Variants in SEC24B observed in about 807,000 individuals in gnomAD.
SEC24B encodes protein transport protein Sec24B.
Under a neutral mutation model 142.8 loss-of-function variants are expected in SEC24B, and 45 were observed. The observed-to-expected ratio is 0.32, with a 90% confidence interval of 0.25 to 0.40. The LOEUF (loss-of-function observed/expected upper bound fraction) is 0.40, where lower values mean the gene tolerates loss of function less well. Among genes scored for constraint, SEC24B ranks in the 10% least tolerant of loss-of-function variants. SEC24B has a pLI of 1.00. For synonymous variants in SEC24B, 574 were observed against 568.2 expected, an observed-to-expected ratio of 1.01 and a Z score of -0.15; for missense variants, 1,409 against 1,526.8, an observed-to-expected ratio of 0.92 and a Z score of 1.29.
intron 1 of SEC24B, among the ~76,000 whole-genome samples, chr4:109,436,947 A>C (rs11942858): frequency 2.6e-5 from 4 of 152,092 alleles, no homozygotes; most frequent in African/African-American, 9.7e-5. Flanking sequence ...ATAAATTTAA[A>C]TGTTTTCCTG....
At chr4:109,501,537 C>T (rs1165345854) in intron 6 of SEC24B, among the ~76,000 whole-genome samples, 3 of 152,204 alleles carry the variant, frequency 2.0e-5, no homozygotes, top group African/African-American at 7.2e-5. Context: ...ATGGCAGGAT[C>T]GCGGCTCACT....
At chr4:109,509,351 T>A (rs1424762876) in intron 7 of SEC24B, among the ~76,000 whole-genome samples, 1 of 152,222 alleles carries the variant, frequency 6.6e-6, no homozygotes, top group Non-Finnish European at 1.5e-5. Flanking sequence ...TCTCCTTTAT[T>A]CATTCTTTGT....
chr4:109,486,155 G>A (rs978166648), intron 4 of SEC24B, among the ~76,000 whole-genome samples: 2 of 152,186 alleles, frequency 1.3e-5, no homozygotes, highest in Admixed American at 1.3e-4. Flanking sequence ...CTGTGAAGTT[G>A]TAATAGTAGC....
chr4:109,493,631 CTT>C (rs11284823), intron 5 of SEC24B, among the ~76,000 whole-genome samples: 156 of 141,250 alleles, frequency 1.1e-3, no homozygotes, highest in African/African-American at 1.2e-3. Context: ...TAGATACTAC[CTT>C]TTTTTTTTTT....
Position 109,526,257 on chromosome 4 carries a change from C to T in SEC24B, c.2823C>T (p.Phe941=). 6.2e-7 allele frequency: 1 copy of T among 1,613,840 alleles called. No individual in the cohort carries two copies. The highest frequency in any genetic ancestry group is 2.2e-5 in the East Asian group (1 of 44,832). The part of the protein sequence containing the change: ...GLSMHTFHGN[F]FVRSTDLLSL... The stretch of plus-strand genomic sequence containing the variant: ...CAATGCACACTTTTCACGGTAACTT[C>T]TTTGTCCGTTCTACTGATTTGTTAT... The change falls in exon 17 of 24, where the codon TTC becomes TTT. Residue 941 remains phenylalanine, a synonymous_variant. Coordinates refer to ENST00000265175, the MANE Select transcript of SEC24B (RefSeq NM_006323.5).
At chr4:109,468,475 G>C (rs1732188287) in intron 2 of SEC24B, among the ~76,000 whole-genome samples, 1 of 152,178 alleles carries the variant, frequency 6.6e-6, no homozygotes, top group Non-Finnish European at 1.5e-5. Context: ...CATTTGGATA[G>C]GTGAGAGGAA....
chr4:109,532,818 C>A, intron 21 of SEC24B, 75 bp downstream of exon 21: 2 of 715,594 alleles, frequency 2.8e-6, no homozygotes, highest in Non-Finnish European at 4.9e-6. Context: ...TAGGGTCCAG[C>A]TGTTATCACA....
At chr4:109,439,948 C>T (rs1207886845) in intron 1 of SEC24B, among the ~76,000 whole-genome samples, 1 of 151,106 alleles carries the variant, frequency 6.6e-6, no homozygotes, top group African/African-American at 2.4e-5. Flanking sequence ...GGATGAAACC[C>T]GTCTCTACTA....
chr4:109,463,309 G>A lies in SEC24B; in HGVS notation c.542G>A (p.Gly181Asp), dbSNP rs538971019. The part of the protein sequence containing the change: ...VASQGFPSTC[G>D]HYAMSTVSNA... ...TCTCAGGGATTTCCCTCTACTTGTG[G>A]TCATTATGCTATGTCAACTGTTTCT... Residue 181 changes from glycine (G) to aspartate (D), a missense_variant, in exon 2 of 24, where the codon GGT becomes GAT. Gly to Asp is a moderately conservative substitution (Grantham distance 94). Transcript: ENST00000265175. 19 of 1,614,148 alleles carry A rather than the reference G, an allele frequency of 1.2e-5. No individual in the cohort carries two copies. The South Asian group carries it at 2.0e-4, about 17-fold the overall frequency.
intron 21 of SEC24B, among the ~76,000 whole-genome samples, chr4:109,533,349 A>G (rs1725137778): frequency 2.0e-5 from 3 of 152,246 alleles, no homozygotes; most frequent in Admixed American, 2.0e-4. Flanking sequence ...TTAAAGGATT[A>G]TATTTCTATT....
At chr4:109,528,844 G>A (rs915354025) in intron 18 of SEC24B, among the ~76,000 whole-genome samples, 1 of 152,144 alleles carries the variant, frequency 6.6e-6, no homozygotes, top group African/African-American at 2.4e-5. Flanking sequence ...ATTTACCGAA[G>A]GATCCAAATT....
intron 1 of SEC24B, among the ~76,000 whole-genome samples, chr4:109,442,967 C>A (rs1729080252): frequency 6.6e-6 from 1 of 151,936 alleles, no homozygotes. Context: ...TTAGAATAAT[C>A]CAATGTTGAT....
At chr4:109,502,938 T>C (rs984090832) in intron 6 of SEC24B, among the ~76,000 whole-genome samples, 6 of 152,186 alleles carry the variant, frequency 3.9e-5, no homozygotes, top group Non-Finnish European at 7.3e-5. Flanking sequence ...AGTGTAAACC[T>C]TTTGTGTTTG....
chr4:109,483,011 A>C (rs1733942605), intron 4 of SEC24B, among the ~76,000 whole-genome samples: 1 of 87,470 alleles, frequency 1.1e-5, no homozygotes. Context: ...CACATATTAT[A>C]CATATGTTTT....
At chr4:109,475,990 C>CT (rs35172512) in intron 3 of SEC24B, among the ~76,000 whole-genome samples, 275 of 134,648 alleles carry the variant, frequency 2.0e-3, no homozygotes, top group Admixed American at 5.0e-3. Context: ...TTCTCTCTCT[C>CT]TTTTTTTTTT....
At chr4:109,467,194 C>A (rs1048614272) in intron 2 of SEC24B, among the ~76,000 whole-genome samples, 1 of 151,254 alleles carries the variant, frequency 6.6e-6, no homozygotes, top group Non-Finnish European at 1.5e-5. Context: ...GGCGTGGTAG[C>A]GGGCGCCTGT....
intron 6 of SEC24B, among the ~76,000 whole-genome samples, chr4:109,497,766 A>G (rs754137934): frequency 5.9e-5 from 9 of 152,106 alleles, no homozygotes; most frequent in Admixed American, 3.9e-4. Context: ...GAATGATGCT[A>G]TTGTGAACAT....
chr4:109,483,003 C>CACACACACAT (rs1408633373), intron 4 of SEC24B, among the ~76,000 whole-genome samples: 15 of 84,062 alleles, frequency 1.8e-4, no homozygotes, highest in African/African-American at 9.8e-4. Flanking sequence ...CACACACACA[C>CACACACACAT]ATATTATACA....
chr4:109,529,593 G>T (rs935199564), intron 18 of SEC24B, among the ~76,000 whole-genome samples: 1 of 152,054 alleles, frequency 6.6e-6, no homozygotes. Context: ...AGGATCACAA[G>T]GTATAATTCA....
Sources: gnomAD v4.1 joint callset for allele counts (sites outside exome capture counted in the v4.1 genomes callset) on GRCh38, gnomAD v4.1.1 for gene constraint, MANE v1.5 for transcripts, NCBI Gene and HGNC (gene_info 2026-07-23, HGNC 2026-07-21) for gene names.